Variants in ARID1B observed in about 807,000 individuals in gnomAD.
ARID1B encodes the protein AT-rich interaction domain 1B, also known as AT-rich interactive domain-containing protein 1B.
In ARID1B, 30 loss-of-function variants were observed where a neutral mutation model predicts 212.3. The ratio of observed to expected loss-of-function variants is 0.14; its 90% CI spans 0.11 to 0.19. The LOEUF is 0.19. ARID1B is among the 10% of genes least tolerant of loss of function. ARID1B has a pLI of 1.00. For synonymous variants in ARID1B, 1,402 were observed against 1,301.7 expected (o/e 1.08, Z -1.66); for missense variants, 2,891 against 3,204.0 (o/e 0.90, Z 2.36).
At chr6:157,004,897 CTTTTT>C (rs1177807875) in intron 4 of ARID1B, among the ~76,000 whole-genome samples, 15 of 54,722 alleles carry the variant, frequency 2.7e-4, no homozygotes, top group African/African-American at 1.0e-3. Context: ...CTTCTTTTTT[CTTTTT>C]TTTTTTTTTT....
intron 6 of ARID1B, among the ~76,000 whole-genome samples, chr6:157,132,024 T>C (rs1197937956): frequency 6.6e-6 from 1 of 152,126 alleles, no homozygotes; most frequent in Non-Finnish European, 1.5e-5. Flanking sequence ...AGAGATATGC[T>C]CTCATTTCCT....
At chr6:157,196,060 A>G (rs1484439116) in intron 15 of ARID1B, 105 bp from the exon 16 acceptor site, 1 of 1,468,444 alleles carries the variant, frequency 6.8e-7, no homozygotes, top group East Asian at 2.3e-5. Flanking sequence ...CTCCATCTCA[A>G]AAAAAAGAAA....
chr6:156,826,629 C>T (rs1234313778), intron 1 of ARID1B, among the ~76,000 whole-genome samples: 1 of 146,692 alleles, frequency 6.8e-6, no homozygotes, highest in Non-Finnish European at 1.6e-5. Flanking sequence ...TGGCAGTTCT[C>T]GGGGTCTGTG....
intron 2 of ARID1B, among the ~76,000 whole-genome samples, chr6:156,889,455 G>C (rs926152204): frequency 1.3e-5 from 2 of 152,228 alleles, no homozygotes; most frequent in Non-Finnish European, 2.9e-5. Flanking sequence ...TAAGACTTTA[G>C]TTCAACACTG....
chr6:156,918,948 G>A (rs1790572349), intron 3 of ARID1B, among the ~76,000 whole-genome samples: 1 of 152,102 alleles, frequency 6.6e-6, no homozygotes, highest in African/African-American at 2.4e-5. Context: ...TTGAATATAG[G>A]TGTAATTTGC....
chr6:156,779,009 C>A lies in ARID1B; in HGVS notation c.1329C>A (p.Gly443=). 1 of 1,263,612 alleles carries A rather than the reference C, an allele frequency of 7.9e-7. No individual in the cohort carries two copies. Among genetic ancestry groups the A allele is most frequent in the Non-Finnish European group, 9.8e-7 (1 of 1,015,648 alleles). 78.3% of individuals were successfully genotyped at this position (1,263,612 alleles called of 1,614,324 possible). A position where few individuals can be genotyped will look rare whatever the true frequency, so the allele number is the denominator to read the frequency against. The change falls in exon 1 of 20, where the codon GGC becomes GGA. Residue 443 remains glycine (G), a synonymous_variant. Coordinates refer to ENST00000636930, the MANE Select transcript of ARID1B (RefSeq NM_001374828.1). ...GCGGCGGCGGCGGCGGCTATGGGGG[C>A]TCGTCCGCGGGGTACGGGGTGCTGA... ...AGGGGGGGYG[G]SSAGYGVLSS...
chr6:156,966,395 T>C (rs9372032), intron 4 of ARID1B, among the ~76,000 whole-genome samples: 25,732 of 130,716 alleles, frequency 0.2, 2,762 homozygotes, highest in East Asian at 0.38. Flanking sequence ...TCTTTTTTTT[T>C]TTTTTTTTTT....
At chr6:156,996,493 G>A (rs1778600357) in intron 4 of ARID1B, among the ~76,000 whole-genome samples, 1 of 152,174 alleles carries the variant, frequency 6.6e-6, no homozygotes, top group Non-Finnish European at 1.5e-5. Flanking sequence ...CTCTGTCTCT[G>A]GGCCTCCATT....
At chr6:157,054,388 A>G (rs1357012640) in intron 4 of ARID1B, among the ~76,000 whole-genome samples, 1 of 152,172 alleles carries the variant, frequency 6.6e-6, no homozygotes, top group Non-Finnish European at 1.5e-5. Flanking sequence ...GCCCAATTAA[A>G]TATTTGGTTT....
At chr6:156,976,882 G>A (rs533778573) in intron 4 of ARID1B, 24 of 574,278 alleles carry the variant, frequency 4.2e-5, no homozygotes, top group Admixed American at 9.4e-5. Context: ...CTCACAGGCG[G>A]GCTAAACAAG....
At chr6:156,973,732 C>CTTT (rs1777074330) in intron 4 of ARID1B, among the ~76,000 whole-genome samples, 1 of 152,138 alleles carries the variant, frequency 6.6e-6, no homozygotes, top group Non-Finnish European at 1.5e-5. Context: ...ACAGGCAACG[C>CTTT]CCCCACTGTG....
At chr6:156,829,150 T>A in intron 1 of ARID1B, 77 bp from the exon 2 acceptor site, 1 of 1,183,402 alleles carries the variant, frequency 8.5e-7, no homozygotes, top group Non-Finnish European at 1.2e-6. Flanking sequence ...TATTAATGCA[T>A]ATGTTGACAT....
Position 156,778,729 on chromosome 6 carries a change from ACTCCGC to A in ARID1B, c.1057_1062del (p.Ser353_Ala354del), listed in dbSNP as rs1562376911. 3 of 1,520,218 alleles carry A rather than the reference ACTCCGC, an allele frequency of 2.0e-6. No homozygotes were observed. Among genetic ancestry groups the A allele is most frequent in the South Asian group, 1.2e-5 (1 of 81,704 alleles). 94.2% of individuals were successfully genotyped at this position (1,520,218 alleles called of 1,614,324 possible). On this transcript the variant is annotated inframe_deletion, in exon 1 of 20. Coordinates refer to ENST00000636930, the MANE Select transcript of ARID1B (RefSeq NM_001374828.1). ...CAAAGCCCCGGGATGGGGATGATGC[ACTCCGC>A]CTCCGCCGCCGCCGCCGGGGCCCCC...
In ARID1B at chr6:157,167,164, G is replaced by A. The variant is rs527731946; in HGVS notation, c.3214G>A (p.Ala1072Thr). 187 of 1,608,482 alleles carry A rather than the reference G, an allele frequency of 1.2e-4. No homozygotes were observed. The Admixed American group carries it at 2.5e-3, about 21-fold the overall frequency. ...TQAPPYSMAP[A>T]MVNSSAASVG... is the part of the protein sequence containing the mutation. Reference sequence around the variant, plus strand: ...GGCGCCGCCCTACAGCATGGCGCCCGCCATGGTGAACAGCTCGGCAGGTAA... The same window carrying A: ...GGCGCCGCCCTACAGCATGGCGCCCACCATGGTGAACAGCTCGGCAGGTAA... The change falls in exon 9 of 20, where the codon GCC becomes ACC. Residue 1072 changes from alanine to threonine, a missense_variant. Physicochemically the swap from Ala to Thr is moderately conservative, Grantham distance 58 (BLOSUM62 0). Transcript: ENST00000636930.
In ARID1B at chr6:156,856,666, G is replaced by A. The variant is rs148658416; in HGVS notation, c.1986+27245G>A. ...TAATACATCCTGTGTGTGTGGGCAT[G>A]CATATCCTCTCTCTCTCTCTCTCTC... On this transcript the variant is annotated intron_variant, in intron 2 of 19. Coordinates refer to ENST00000636930, the MANE Select transcript of ARID1B (RefSeq NM_001374828.1). Among the ~76,000 whole-genome samples the A allele has an allele frequency of 1.5e-3, 176 of 117,068 alleles. 1 individual carries two copies. Among genetic ancestry groups the A allele is most frequent in the African/African-American group, 5.5e-3 (167 of 30,548 alleles). 76.8% of individuals were successfully genotyped at this position (117,068 alleles called of 152,430 possible). A position where few individuals can be genotyped will look rare whatever the true frequency, so the allele number is the denominator to read the frequency against.
chr6:157,046,606 T>C (rs1395153249), intron 4 of ARID1B, among the ~76,000 whole-genome samples: 1 of 152,232 alleles, frequency 6.6e-6, no homozygotes, highest in African/African-American at 2.4e-5. Context: ...TTTGTTAGTC[T>C]TCCATTTCTT....
chr6:157,199,581 A>G (rs1235466366), intron 17 of ARID1B, among the ~76,000 whole-genome samples: 1 of 149,374 alleles, frequency 6.7e-6, no homozygotes, highest in Non-Finnish European at 1.5e-5. Context: ...AAAACTATAT[A>G]TATGTTATAT....
chr6:156,887,481 C>A (rs1469693624), intron 2 of ARID1B, among the ~76,000 whole-genome samples: 1 of 152,198 alleles, frequency 6.6e-6, no homozygotes, highest in Non-Finnish European at 1.5e-5. Flanking sequence ...AGTACATTTT[C>A]TCCCTGAAAA....
chr6:156,983,056 C>T (rs576300684), intron 4 of ARID1B, among the ~76,000 whole-genome samples: 203 of 150,526 alleles, frequency 1.3e-3, no homozygotes, highest in Middle Eastern at 3.4e-3. Flanking sequence ...GATTGCACAA[C>T]TGCACTCCAG....
Sources: allele counts gnomAD v4.1 joint callset (sites outside exome capture counted in the v4.1 genomes callset), GRCh38; gene constraint gnomAD v4.1.1; transcripts MANE v1.5; gene names NCBI Gene and HGNC (gene_info 2026-07-23, HGNC 2026-07-21).